The following KLF7 variants were observed in gnomAD, a reference collection of about 807,000 sequenced individuals.
The protein encoded by KLF7 is Krueppel-like factor 7.
In KLF7, 2 loss-of-function variants were observed where a neutral mutation model predicts 27.3. The ratio of observed to expected loss-of-function variants is 0.07; its 90% CI spans 0.03 to 0.23. The LOEUF is 0.23. KLF7 is among the 10% of genes least tolerant of loss of function. KLF7 has a pLI of 1.00. For missense variants in KLF7, 221 were observed against 394.1 expected, an observed-to-expected ratio of 0.56 and a Z score of 3.72; for synonymous variants, 165 against 162.4, an observed-to-expected ratio of 1.02 and a Z score of -0.12.
chr2:207,088,646 C>A, intron 2 of KLF7, 65 bp from the exon 3 acceptor site: 2 of 1,549,028 alleles, frequency 1.3e-6, no homozygotes, highest in South Asian at 1.2e-5. Flanking sequence ...CCCAACCAGC[C>A]TGTGCTGCCT....
chr2:207,132,781 C>G (rs574703529), intron 1 of KLF7, among the ~76,000 whole-genome samples: 14 of 152,344 alleles, frequency 9.2e-5, no homozygotes, highest in African/African-American at 3.4e-4. Context: ...CCTCACACCG[C>G]TTGAAGGAAG....
At chr2:207,118,766 G>T (rs1013791394) in intron 2 of KLF7, among the ~76,000 whole-genome samples, 2 of 152,226 alleles carry the variant, frequency 1.3e-5, no homozygotes, top group Non-Finnish European at 2.9e-5. Flanking sequence ...CTGGGACATA[G>T]CAAGTGCTTT....
At chr2:207,150,033 TC>T (rs1217000651) in intron 1 of KLF7, among the ~76,000 whole-genome samples, 1 of 152,046 alleles carries the variant, frequency 6.6e-6, no homozygotes, top group East Asian at 1.9e-4. Flanking sequence ...AAGCAAATAG[TC>T]CCCAGAATTC....
At chr2:207,100,406 A>T (rs1212396197) in intron 2 of KLF7, among the ~76,000 whole-genome samples, 1 of 152,204 alleles carries the variant, frequency 6.6e-6, no homozygotes, top group African/African-American at 2.4e-5. Context: ...GTCTAAGAGT[A>T]ACCCCAAAAG....
intron 2 of KLF7, among the ~76,000 whole-genome samples, chr2:207,119,842 T>A (rs1414040470): frequency 6.6e-6 from 1 of 152,176 alleles, no homozygotes; most frequent in East Asian, 1.9e-4. Flanking sequence ...TAGCTGGGAC[T>A]ACAGGCACGC....
chr2:207,172,796 C>G, the KLF7 span, among the ~76,000 whole-genome samples: 10 of 152,158 alleles, frequency 6.6e-5, no homozygotes, highest in African/African-American at 2.4e-4. Flanking sequence ...GCCTTATCAA[C>G]CTTACTTTCA....
At chr2:207,094,566 A>C (rs1160314417) in intron 2 of KLF7, among the ~76,000 whole-genome samples, 3 of 152,242 alleles carry the variant, frequency 2.0e-5, no homozygotes, top group African/African-American at 7.2e-5. Context: ...CATCACACTC[A>C]GTCGCACTAG....
chr2:207,095,031 C>CTTTTATTTT (rs2076593823), intron 2 of KLF7, among the ~76,000 whole-genome samples: 1 of 82,418 alleles, frequency 1.2e-5, no homozygotes, highest in Admixed American at 1.8e-4. Flanking sequence ...TGTTTTTATT[C>CTTTTATTTT]TTTTTTTTTT....
rs569345106 is a variant in KLF7 at position 207,112,593 on chromosome 2, A to G, written c.733+11181T>C. ...ACACAACATGCTCTGAGTTTTCTCA[A>G]TAAAACAGCTCCTTCCCAGGGGAAT... On this transcript the variant is annotated intron_variant, in intron 2 of 3. Transcript: ENST00000309446. 3.3e-5 allele frequency among the ~76,000 whole-genome samples: 5 copies of G among 152,356 alleles called. No individual in the cohort carries two copies. In the South Asian group the frequency reaches 1.0e-3, roughly 32 times the overall value.
At chr2:207,131,958 T>C (rs923112069) in intron 1 of KLF7, among the ~76,000 whole-genome samples, 1 of 152,194 alleles carries the variant, frequency 6.6e-6, no homozygotes, top group African/African-American at 2.4e-5. Context: ...ACGGTAACAC[T>C]GAATCTACCT....
intron 1 of KLF7, among the ~76,000 whole-genome samples, chr2:207,145,384 G>T (rs2078071193): frequency 6.6e-6 from 1 of 152,078 alleles, no homozygotes; most frequent in Admixed American, 6.5e-5. Context: ...ATTCAACACT[G>T]GCAATATACC....
chr2:207,129,345 T>C (rs559758891), intron 1 of KLF7, among the ~76,000 whole-genome samples: 2 of 152,174 alleles, frequency 1.3e-5, no homozygotes, highest in African/African-American at 4.8e-5. Context: ...GACCTAACCA[T>C]ACAACTTAAG....
intron 2 of KLF7, among the ~76,000 whole-genome samples, chr2:207,117,569 T>A (rs2077223179): frequency 6.6e-6 from 1 of 152,202 alleles, no homozygotes; most frequent in African/African-American, 2.4e-5. Context: ...AAAGGCCCTT[T>A]AATGTCTTAA....
intron 2 of KLF7, among the ~76,000 whole-genome samples, chr2:207,113,618 G>T (rs961358504): frequency 7.7e-6 from 1 of 130,104 alleles, no homozygotes; most frequent in Non-Finnish European, 1.7e-5. Context: ...GGGGGGGGGG[G>T]GGAAATGATG....
At chr2:207,094,964 C>T (rs1394960365) in intron 2 of KLF7, among the ~76,000 whole-genome samples, 1 of 151,570 alleles carries the variant, frequency 6.6e-6, no homozygotes, top group Non-Finnish European at 1.5e-5. Flanking sequence ...GGTCCAAGTA[C>T]CTGAGTTTAC....
At chr2:207,150,439 G>A (rs1007690781) in intron 1 of KLF7, among the ~76,000 whole-genome samples, 2 of 152,018 alleles carry the variant, frequency 1.3e-5, no homozygotes, top group Non-Finnish European at 2.9e-5. Flanking sequence ...AAACTGAATA[G>A]AAATCATAAA....
chr2:207,094,231 T>C lies in KLF7; in HGVS notation c.734-5650A>G, dbSNP rs182362656. Among the ~76,000 whole-genome samples the C allele has an allele frequency of 2.1e-3, 313 of 152,352 alleles. 2 individuals carry two copies. The highest frequency in any genetic ancestry group is 7.1e-3 in the African/African-American group (296 of 41,582). ...AATCTGTTGAAAATAAACTCACTAATACAAATGTTCTGCATTCATTTCCTG... is the reference window on the plus strand; with the variant it reads ...AATCTGTTGAAAATAAACTCACTAACACAAATGTTCTGCATTCATTTCCTG... On this transcript the variant is annotated intron_variant, in intron 2 of 3. Transcript: ENST00000309446.
At chr2:207,096,362 T>C (rs887216889) in intron 2 of KLF7, among the ~76,000 whole-genome samples, 2 of 152,236 alleles carry the variant, frequency 1.3e-5, no homozygotes, top group Non-Finnish European at 2.9e-5. Context: ...TCCCTGTTGC[T>C]GCATCGCATC....
chr2:207,150,346 G>A (rs1320834205), intron 1 of KLF7, among the ~76,000 whole-genome samples: 1 of 152,096 alleles, frequency 6.6e-6, no homozygotes, highest in African/African-American at 2.4e-5. Context: ...ACAACCAGTA[G>A]GAAATTTTTC....
Sources: allele counts gnomAD v4.1 joint callset (sites outside exome capture counted in the v4.1 genomes callset), GRCh38; gene constraint gnomAD v4.1.1; transcripts MANE v1.5; gene names NCBI Gene and HGNC (gene_info 2026-07-23, HGNC 2026-07-21).